The following CTNND2 variants were observed in gnomAD, a reference collection of about 807,000 sequenced individuals.
CTNND2 encodes catenin delta-2.
In CTNND2, 22 loss-of-function variants were observed where a neutral mutation model predicts 144.4. The ratio of observed to expected loss-of-function variants is 0.15; its 90% CI spans 0.11 to 0.22. The LOEUF (loss-of-function observed/expected upper bound fraction) is 0.22, where lower values mean the gene tolerates loss of function less well. Ranked by LOEUF, CTNND2 falls within the 10% of genes least tolerant of loss-of-function variation. CTNND2 has a pLI of 1.00. For missense variants in CTNND2, 1,353 were observed against 1,618.8 expected, an observed-to-expected ratio of 0.84 and a Z score of 2.82; for synonymous variants, 751 against 695.6, an observed-to-expected ratio of 1.08 and a Z score of -1.25.
intron 1 of CTNND2, among the ~76,000 whole-genome samples, chr5:11,899,054 T>C (rs187559662): frequency 1.2e-4 from 19 of 152,296 alleles, no homozygotes; most frequent in Admixed American, 1.0e-3. Flanking sequence ...AAAGCAAAAA[T>C]GACCATCTAT....
intron 5 of CTNND2, among the ~76,000 whole-genome samples, chr5:11,401,438 T>C (rs993044014): frequency 2.0e-5 from 3 of 152,220 alleles, no homozygotes; most frequent in African/African-American, 2.4e-5. Context: ...TCCCGAGTTA[T>C]TCTATAAGTC....
chr5:11,700,412 C>T (rs1785375109), intron 2 of CTNND2, among the ~76,000 whole-genome samples: 1 of 152,180 alleles, frequency 6.6e-6, no homozygotes, highest in Admixed American at 6.5e-5. Context: ...CAAACAACAA[C>T]AAACACAAAG....
chr5:11,525,449 G>T (rs550364085), intron 3 of CTNND2, among the ~76,000 whole-genome samples: 1 of 151,722 alleles, frequency 6.6e-6, no homozygotes. Flanking sequence ...AATTTAGGAA[G>T]AGGTTAAATT....
Position 11,318,195 on chromosome 5 carries a change from C to T in CTNND2, c.1628+28177G>A, listed in dbSNP as rs774062571. On this transcript the variant is annotated intron_variant, in intron 9 of 21. Transcript: ENST00000304623. ...ACGGAACCACCACCTTCCCTCTGTC[C>T]ATCACTCCCTCATTCTCTGGCTCTC... is the stretch of plus-strand genomic sequence containing the variant. Among the ~76,000 whole-genome samples the T allele has an allele frequency of 3.3e-5, 5 of 152,076 alleles. No homozygotes were observed. In the South Asian group the frequency reaches 1.0e-3, roughly 32 times the overall value.
chr5:11,510,444 G>A (rs946210871), intron 3 of CTNND2, among the ~76,000 whole-genome samples: 1 of 152,170 alleles, frequency 6.6e-6, no homozygotes, highest in African/African-American at 2.4e-5. Flanking sequence ...GAAGTACAAT[G>A]AGTTTGTCTA....
In CTNND2 at chr5:11,259,318, C is replaced by A. The variant is rs1047590540; in HGVS notation, c.1629-22495G>T. On this transcript the variant is annotated intron_variant, in intron 9 of 21. Transcript: ENST00000304623. Reference sequence around the variant, plus strand: ...TTGGGATGTTTATTCCTGGGATATACCCTTTTAGATCCCAGCCACCACGCC... The same window carrying A: ...TTGGGATGTTTATTCCTGGGATATAACCTTTTAGATCCCAGCCACCACGCC... Among the ~76,000 whole-genome samples the A allele has an allele frequency of 4.1e-4, 62 of 152,122 alleles. 1 individual carries two copies. The highest frequency in any genetic ancestry group is 2.6e-4 in the Admixed American group (4 of 15,268).
chr5:11,217,113 CA>C (rs1739280945), intron 10 of CTNND2, among the ~76,000 whole-genome samples: 2 of 152,162 alleles, frequency 1.3e-5, no homozygotes, highest in South Asian at 4.1e-4. Context: ...GGCCATTGTC[CA>C]CAAACCACTG....
At chr5:11,348,938 T>C (rs1755070310) in intron 8 of CTNND2, among the ~76,000 whole-genome samples, 1 of 152,142 alleles carries the variant, frequency 6.6e-6, no homozygotes, top group Non-Finnish European at 1.5e-5. Context: ...TGAATGTTAT[T>C]GGGTTCCTAT....
intron 9 of CTNND2, among the ~76,000 whole-genome samples, chr5:11,329,640 T>G (rs547375170): frequency 6.6e-6 from 1 of 152,290 alleles, no homozygotes; most frequent in African/African-American, 2.4e-5. Context: ...GCAGAAGTCC[T>G]GTGCAATAGC....
intron 3 of CTNND2, among the ~76,000 whole-genome samples, chr5:11,503,088 T>A (rs1770692252): frequency 6.6e-6 from 1 of 152,216 alleles, no homozygotes; most frequent in African/African-American, 2.4e-5. Flanking sequence ...AGGCTAAACA[T>A]TGCAGGGATG....
At chr5:11,192,851 C>A (rs1350696091) in intron 11 of CTNND2, among the ~76,000 whole-genome samples, 1 of 152,168 alleles carries the variant, frequency 6.6e-6, no homozygotes, top group African/African-American at 2.4e-5. Flanking sequence ...ACTGTCACAG[C>A]AGCCACAGAT....
At chr5:11,568,623 T>C (rs1159189310) in intron 2 of CTNND2, among the ~76,000 whole-genome samples, 2 of 152,234 alleles carry the variant, frequency 1.3e-5, no homozygotes, top group African/African-American at 2.4e-5. Flanking sequence ...ATAGACATTT[T>C]TGTGGCCCAA....
At chr5:11,855,126 G>A (rs1795195150) in intron 1 of CTNND2, among the ~76,000 whole-genome samples, 2 of 152,162 alleles carry the variant, frequency 1.3e-5, no homozygotes, top group Admixed American at 1.3e-4. Context: ...CTGTAATGCC[G>A]GAGGGCAGCC....
At chr5:11,676,472 G>A (rs1784180122) in intron 2 of CTNND2, among the ~76,000 whole-genome samples, 1 of 151,982 alleles carries the variant, frequency 6.6e-6, no homozygotes, top group African/African-American at 2.4e-5. Flanking sequence ...TTAATATAAT[G>A]AGGAAGAGCT....
chr5:11,017,444 G>T (rs1299960264), intron 18 of CTNND2, among the ~76,000 whole-genome samples: 8 of 151,878 alleles, frequency 5.3e-5, no homozygotes, highest in African/African-American at 1.9e-4. Flanking sequence ...GTTCTCAGGG[G>T]CTTAGTGACG....
At chr5:11,464,405 C>T (rs1766480290) in intron 3 of CTNND2, among the ~76,000 whole-genome samples, 1 of 152,076 alleles carries the variant, frequency 6.6e-6, no homozygotes, top group African/African-American at 2.4e-5. Flanking sequence ...AGGGAGCCTG[C>T]AATGTTCTCC....
chr5:11,324,071 G>A (rs1752303032), intron 9 of CTNND2, among the ~76,000 whole-genome samples: 1 of 152,136 alleles, frequency 6.6e-6, no homozygotes, highest in African/African-American at 2.4e-5. Flanking sequence ...GGTGACAGGT[G>A]GAACAGTGTG....
At chr5:11,797,121 T>C (rs1189083332) in intron 1 of CTNND2, among the ~76,000 whole-genome samples, 1 of 152,216 alleles carries the variant, frequency 6.6e-6, no homozygotes, top group Non-Finnish European at 1.5e-5. Flanking sequence ...TTCTTTGACA[T>C]TGAGATTGGC....
At chr5:11,587,620 C>G (rs181021907) in intron 2 of CTNND2, among the ~76,000 whole-genome samples, 191 of 152,102 alleles carry the variant, frequency 1.3e-3, no homozygotes, top group Non-Finnish European at 1.9e-3. Flanking sequence ...TAATATTAAT[C>G]AAACATAAGT....
Sources: allele counts gnomAD v4.1 joint callset (sites outside exome capture counted in the v4.1 genomes callset), GRCh38; gene constraint gnomAD v4.1.1; transcripts MANE v1.5; gene names NCBI Gene and HGNC (gene_info 2026-07-23, HGNC 2026-07-21).